GNG7: variants seen among roughly 807,000 people sequenced by gnomAD.
GNG7 encodes G protein subunit gamma 7.
Under a neutral mutation model 4.0 loss-of-function variants are expected in GNG7, and 1 was observed. The observed-to-expected ratio is 0.25, with a 90% confidence interval of 0.09 to 1.18. GNG7 has a LOEUF of 1.18. Ranked by LOEUF, GNG7 falls within the 50% of genes most tolerant of loss-of-function variation. The pLI is 0.50. For missense variants in GNG7, 86 were observed against 91.9 expected (o/e 0.94, Z 0.26); for synonymous variants, 34 against 36.9 (o/e 0.92, Z 0.29).
chr19:2,553,565 TAATA>T (rs1351205316), intron 3 of GNG7, among the ~76,000 whole-genome samples: 10 of 149,382 alleles, frequency 6.7e-5, no homozygotes, highest in Non-Finnish European at 1.3e-4. Flanking sequence ...ATATCACATG[TAATA>T]AATCATATCA....
intron 2 of GNG7, among the ~76,000 whole-genome samples, chr19:2,574,445 G>A (rs1480074716): frequency 6.6e-6 from 1 of 152,150 alleles, no homozygotes; most frequent in Non-Finnish European, 1.5e-5. Context: ...TGAATCTGAC[G>A]ACTCTAGGGA....
At chr19:2,556,284 C>T (rs114287423) in intron 2 of GNG7, among the ~76,000 whole-genome samples, 3,826 of 151,838 alleles carry the variant, frequency 0.025, 73 homozygotes, top group Admixed American at 0.044. Flanking sequence ...TCCTGCCTAG[C>T]GGGGCTCACC....
chr19:2,554,188 TC>T, intron 3 of GNG7, among the ~76,000 whole-genome samples: 2 of 147,472 alleles, frequency 1.4e-5, no homozygotes, highest in Middle Eastern at 7.1e-3. Context: ...TATATTTTTT[TC>T]TTTTCTTTAG....
At chr19:2,589,579 G>A (rs1371519945) in intron 2 of GNG7, among the ~76,000 whole-genome samples, 3 of 151,676 alleles carry the variant, frequency 2.0e-5, no homozygotes, top group African/African-American at 7.3e-5. Context: ...ATCTTCCTGT[G>A]TCATTCCCAC....
rs180707285 is a variant in GNG7, at chr19:2,693,430, A to G, written c.-135+9216T>C. Among the ~76,000 whole-genome samples, 613 of 151,118 alleles carry G rather than the reference A, an allele frequency of 4.1e-3. 11 individuals carry two copies. The highest frequency in any genetic ancestry group is 0.014 in the African/African-American group (568 of 41,124). On this transcript the variant is annotated intron_variant, in intron 1 of 4. Coordinates refer to ENST00000382159, the MANE Select transcript of GNG7 (RefSeq NM_052847.3). ...GACTCTGCCTCAAAAAAAAAAAAAA[A>G]GAAAGAAAGAAAAAAAGAAAGAAAA...
intron 2 of GNG7, among the ~76,000 whole-genome samples, chr19:2,641,638 G>A (rs1982509619): frequency 1.3e-5 from 2 of 152,084 alleles, no homozygotes; most frequent in African/African-American, 4.8e-5. Context: ...TTAGCCCAGT[G>A]AGGCCTATGT....
chr19:2,575,635 A>G lies in GNG7; in HGVS notation c.-77-20447T>C, dbSNP rs1287053869. On this transcript the variant is annotated intron_variant, in intron 2 of 4. Transcript: ENST00000382159. The stretch of plus-strand genomic sequence containing the variant: ...GGCACACACAGACATGCAGGCACAC[A>G]CAGGCACACGCAGACACGCAGGCAC... 2.0e-3 allele frequency among the ~76,000 whole-genome samples: 240 copies of G among 119,490 alleles called. 3 individuals carry two copies. The highest frequency in any genetic ancestry group is 0.011 in the Middle Eastern group (2 of 188). The allele number at this position is 119,490 out of a possible 152,430, so 78.4% of individuals were successfully genotyped here. A position where few individuals can be genotyped will look rare whatever the true frequency, so the allele number is the denominator to read the frequency against.
rs142657276 is a variant in GNG7, at chr19:2,646,734, A to G, written c.-134-454T>C. ...AAAAAGCAGAAGACAATTCACTGAA[A>G]ATATTTATTATTAGAGATTTATGAC... is the stretch of plus-strand genomic sequence containing the variant. On this transcript the variant is annotated intron_variant, in intron 1 of 4. Coordinates refer to ENST00000382159, the MANE Select transcript of GNG7 (RefSeq NM_052847.3). Among the ~76,000 whole-genome samples, 732 of 152,278 alleles carry G rather than the reference A, an allele frequency of 4.8e-3. 5 individuals are homozygous for G. The highest frequency in any genetic ancestry group is 0.017 in the African/African-American group (700 of 41,560).
At chr19:2,629,802 TC>T (rs1982111306) in intron 2 of GNG7, among the ~76,000 whole-genome samples, 1 of 152,152 alleles carries the variant, frequency 6.6e-6, no homozygotes, top group Non-Finnish European at 1.5e-5. Context: ...CACTTAATGT[TC>T]CTGCACACCC....
At chr19:2,586,317 T>G (rs1980671545) in intron 2 of GNG7, among the ~76,000 whole-genome samples, 1 of 152,222 alleles carries the variant, frequency 6.6e-6, no homozygotes. Flanking sequence ...TGGGGGCTGG[T>G]GGCTGCTGGC....
intron 2 of GNG7, among the ~76,000 whole-genome samples, chr19:2,615,487 G>A (rs1981698783): frequency 7.4e-6 from 1 of 135,796 alleles, no homozygotes; most frequent in South Asian, 2.3e-4. Flanking sequence ...TTTTGAGATA[G>A]GGTCTTGCTC....
At chr19:2,654,203 G>A (rs1982902834) in intron 1 of GNG7, among the ~76,000 whole-genome samples, 1 of 152,104 alleles carries the variant, frequency 6.6e-6, no homozygotes, top group Non-Finnish European at 1.5e-5. Flanking sequence ...AGCTTCTGCA[G>A]ATTTCAAACC....
At chr19:2,586,260 C>T (rs1028519327) in intron 2 of GNG7, among the ~76,000 whole-genome samples, 17 of 152,186 alleles carry the variant, frequency 1.1e-4, no homozygotes, top group African/African-American at 2.9e-4. Flanking sequence ...CAGCTTTGCC[C>T]GCCCCAGCCC....
intron 2 of GNG7, among the ~76,000 whole-genome samples, chr19:2,594,432 AAGGAAGGAAGG>A (rs1980951860): frequency 7.0e-6 from 1 of 142,392 alleles, no homozygotes; most frequent in Non-Finnish European, 1.5e-5. Flanking sequence ...GGAAGGAAGG[AAGGAAGGAAGG>A]AAGGAGGAAG....
intron 2 of GNG7, among the ~76,000 whole-genome samples, chr19:2,564,360 C>T (rs929335956): frequency 5.9e-5 from 9 of 152,046 alleles, no homozygotes; most frequent in African/African-American, 1.9e-4. Context: ...GCGGGAGGAT[C>T]GCTTGAGGCC....
At chr19:2,574,275 C>A (rs1299369364) in intron 2 of GNG7, among the ~76,000 whole-genome samples, 1 of 152,154 alleles carries the variant, frequency 6.6e-6, no homozygotes, top group Non-Finnish European at 1.5e-5. Context: ...AGCCCTTCCT[C>A]TCCCTCTCTC....
intron 1 of GNG7, among the ~76,000 whole-genome samples, chr19:2,699,305 C>T (rs867428286): frequency 2.0e-5 from 3 of 152,186 alleles, no homozygotes; most frequent in South Asian, 2.1e-4. Flanking sequence ...TGTGCTACCA[C>T]GCCCAGTTAG....
At chr19:2,644,559 C>T (rs1599438867) in intron 2 of GNG7, among the ~76,000 whole-genome samples, 1 of 151,936 alleles carries the variant, frequency 6.6e-6, no homozygotes, top group Non-Finnish European at 1.5e-5. Context: ...CAGAGTCCTG[C>T]AACCATCACC....
intron 1 of GNG7, among the ~76,000 whole-genome samples, chr19:2,674,444 GT>G (rs72220716): frequency 0.39 from 58,253 of 151,126 alleles, 12,049 homozygotes; most frequent in East Asian, 0.56. Context: ...TTTTTGTTTT[GT>G]TTTTTTTTGA....
Sources: gnomAD v4.1 joint callset for allele counts (sites outside exome capture counted in the v4.1 genomes callset) on GRCh38, gnomAD v4.1.1 for gene constraint, MANE v1.5 for transcripts, NCBI Gene and HGNC (gene_info 2026-07-23, HGNC 2026-07-21) for gene names.